Variants in TAF5L observed in about 807,000 individuals in gnomAD.
The protein encoded by TAF5L is TATA-box binding protein associated factor 5 like, also known as TAF5-like RNA polymerase II p300/CBP-associated factor-associated factor 65 kDa subunit 5L.
A neutral mutation model predicts 51.3 loss-of-function variants in TAF5L; 7 were observed. That is an observed-to-expected ratio of 0.14 (90% CI 0.08 to 0.26). The LOEUF (loss-of-function observed/expected upper bound fraction) is 0.26. Among genes scored for constraint, TAF5L ranks in the 10% least tolerant of loss-of-function variants. The probability of loss-of-function intolerance (pLI) is 1.00; values close to 1 mark genes in which losing one functional copy is unlikely to be tolerated. For missense variants in TAF5L, 575 were observed against 758.9 expected (o/e 0.76, Z 2.85); for synonymous variants, 291 against 308.1 (o/e 0.94, Z 0.58).
intron 3 of TAF5L, among the ~76,000 whole-genome samples, chr1:229,609,005 A>G (rs1390021091): frequency 6.6e-6 from 1 of 152,182 alleles, no homozygotes; most frequent in Non-Finnish European, 1.5e-5. Flanking sequence ...CCGTCTCAAA[A>G]AAAAGAAAAA....
exon 5 of TAF5L, chr1:229,593,363 T>G (rs371927401): frequency 1.1e-4 from 16 of 152,268 alleles, no homozygotes; most frequent in African/African-American, 3.6e-4. Context: ...CTCTGAATGG[T>G]CATTCAGAAA....
chr1:229,617,672 G>A (rs1208560599), intron 1 of TAF5L, among the ~76,000 whole-genome samples: 1 of 152,154 alleles, frequency 6.6e-6, no homozygotes, highest in East Asian at 1.9e-4. Context: ...CTCAAGGTGC[G>A]ACAATATACC....
intron 3 of TAF5L, chr1:229,606,413 C>T (rs1408153022): frequency 4.1e-6 from 4 of 984,630 alleles, no homozygotes; most frequent in Admixed American, 6.2e-5. Context: ...GTAATGAATG[C>T]CTACCTGGTG....
Position 229,602,391 on chromosome 1 carries a change from A to C in TAF5L, c.776T>G (p.Ile259Ser), listed in dbSNP as rs1218261459. ...TGTGTTATAGAAGGCATAGAAGCAG[A>C]TGGTAGTGAGGGAGGGAGGCCCATC... The change falls in exon 4 of 5, where the codon ATC becomes AGC. Residue 259 changes from isoleucine (I) to serine (S), a missense_variant. By Grantham distance (142) the Ile-to-Ser change is moderately radical. Around this residue, in one of 3 missense-constraint regions of TAF5L, gnomAD observed 380 missense variants for 443.7 expected, o/e 0.86. Transcript: ENST00000258281. This position sits in a 1 kb window ranked among gnomAD's most constrained non-coding sequence, Gnocchi z 4.6. The C allele has an allele frequency of 6.2e-7, 1 of 1,614,058 alleles. No homozygotes were observed. Among genetic ancestry groups the C allele is most frequent in the African/African-American group, 1.3e-5 (1 of 74,898 alleles).
At chr1:229,608,754 A>G (rs1664686450) in intron 3 of TAF5L, among the ~76,000 whole-genome samples, 1 of 152,218 alleles carries the variant, frequency 6.6e-6, no homozygotes, top group Admixed American at 6.5e-5. Flanking sequence ...CAATCTCAGC[A>G]CTTTGGGAGG....
intron 2 of TAF5L, among the ~76,000 whole-genome samples, chr1:229,612,168 T>C (rs1190549382): frequency 6.6e-6 from 1 of 152,262 alleles, no homozygotes; most frequent in African/African-American, 2.4e-5. Context: ...TTCTTCAGAT[T>C]ACTCAATTAA....
At chr1:229,614,897 C>A (rs1664922055) in intron 1 of TAF5L, among the ~76,000 whole-genome samples, 1 of 152,092 alleles carries the variant, frequency 6.6e-6, no homozygotes, top group Non-Finnish European at 1.5e-5. Context: ...TAGCAGTGAA[C>A]TAGCCAAAAA....
At chr1:229,596,303 A>C (rs1041560869) in intron 4 of TAF5L, among the ~76,000 whole-genome samples, 1 of 152,088 alleles carries the variant, frequency 6.6e-6, no homozygotes, top group Non-Finnish European at 1.5e-5. Context: ...AACAAACACA[A>C]ACAAAACCCA....
At chr1:229,614,553 C>T (rs1664904164) in intron 1 of TAF5L, 68 bp from the exon 2 acceptor site, 2 of 1,582,040 alleles carry the variant, frequency 1.3e-6, no homozygotes, top group East Asian at 2.2e-5. Flanking sequence ...TCTAACTGCA[C>T]CATCGCAGAT....
chr1:229,611,292 CA>C (rs1300391383), intron 2 of TAF5L, among the ~76,000 whole-genome samples: 1 of 152,074 alleles, frequency 6.6e-6, no homozygotes, highest in African/African-American at 2.4e-5. Context: ...AAACAAAAAA[CA>C]AAAACCATTC....
At chr1:229,618,221 T>C (rs1665076910) in intron 1 of TAF5L, among the ~76,000 whole-genome samples, 1 of 152,236 alleles carries the variant, frequency 6.6e-6, no homozygotes, top group African/African-American at 2.4e-5. Flanking sequence ...CTGCCTAGCT[T>C]TTCCTATAAT....
intron 4 of TAF5L, chr1:229,600,267 C>G: frequency 7.1e-6 from 7 of 985,222 alleles, no homozygotes; most frequent in Non-Finnish European, 8.4e-6. Context: ...ATGCAGGAAG[C>G]CCCTCAACAA....
At position 229,601,919 on chromosome 1, in the gene TAF5L, G is replaced by C. The variant is rs968988684; in HGVS notation, c.972+276C>G. On this transcript the variant is annotated intron_variant, in intron 4 of 4. Transcript: ENST00000258281. ...TCAGCTAAAGTCAATATTAGCTAAA[G>C]GTCTTTCATTAGGCTTAGTGTTGCT... 13 of 1,206,536 alleles carry C rather than the reference G, an allele frequency of 1.1e-5. No homozygotes were observed. In the African/African-American group the frequency reaches 2.0e-4, roughly 19 times the overall value. The allele number at this position is 1,206,536 out of a possible 1,614,324, so 74.7% of individuals were successfully genotyped here. A position where few individuals can be genotyped will look rare whatever the true frequency, so the allele number is the denominator to read the frequency against.
chr1:229,617,640 G>C lies in TAF5L; in HGVS notation c.-3-3155C>G, dbSNP rs60718377. 5.3e-5 allele frequency among the ~76,000 whole-genome samples: 8 copies of C among 152,316 alleles called. No homozygotes were observed. In the East Asian group the frequency reaches 1.5e-3, roughly 29 times the overall value. On this transcript the variant is annotated intron_variant, in intron 1 of 4. Coordinates refer to ENST00000258281, the Ensembl canonical transcript of TAF5L. ...ATGTGAATGACTGATCTGGAGAACA[G>C]GCTCTGCAATGACACAGTGTCCTCA...
In TAF5L at chr1:229,594,273, G is replaced by A. The variant is rs533387004; in HGVS notation, c.*24C>T. 1 of 1,588,888 alleles carries A rather than the reference G, an allele frequency of 6.3e-7. No individual in the cohort carries two copies. Among genetic ancestry groups the A allele is most frequent in the South Asian group, 1.2e-5 (1 of 86,828 alleles). ...CTGGAGGCTTTCCACTGTTACCCCA[G>A]TCCGTTCCAACAAAGTTAAAAAATT... On this transcript the variant is annotated 3_prime_UTR_variant, in exon 5 of 5. Transcript: ENST00000258281. This position sits in a 1 kb window ranked among gnomAD's most constrained non-coding sequence, Gnocchi z 7.9.
At chr1:229,600,052 T>A (rs1427142152) in intron 4 of TAF5L, 1 of 978,356 alleles carries the variant, frequency 1.0e-6, no homozygotes, top group African/African-American at 1.8e-5. Flanking sequence ...TATTTTATTT[T>A]TTTTAATATT....
chr1:229,619,890 C>T (rs1665142539), intron 1 of TAF5L, among the ~76,000 whole-genome samples: 2 of 152,192 alleles, frequency 1.3e-5, no homozygotes, highest in African/African-American at 4.8e-5. Flanking sequence ...GGCTTCACCA[C>T]ACCACCATGC....
chr1:229,616,498 G>C (rs929447838), intron 1 of TAF5L, among the ~76,000 whole-genome samples: 1 of 151,884 alleles, frequency 6.6e-6, no homozygotes, highest in Non-Finnish European at 1.5e-5. Context: ...GAGCTACCAT[G>C]CCTGGTCTTA....
chr1:229,600,033 A>G (rs1426541137), intron 4 of TAF5L: 1 of 983,688 alleles, frequency 1.0e-6, no homozygotes, highest in East Asian at 1.1e-4. Context: ...CTCCTGTATT[A>G]AGAGTCTCTA....
Sources: allele counts gnomAD v4.1 joint callset (sites outside exome capture counted in the v4.1 genomes callset), GRCh38; gene constraint gnomAD v4.1.1; regional missense constraint gnomAD v4.1.1; non-coding constraint Gnocchi (gnomAD v3.1); transcripts MANE v1.5; gene names NCBI Gene and HGNC (gene_info 2026-07-23, HGNC 2026-07-21).